SLC14A2: variants seen among roughly 807,000 people sequenced by gnomAD.
The protein encoded by SLC14A2 is urea transporter 2.
Under a neutral mutation model 104.6 loss-of-function variants are expected in SLC14A2, and 91 were observed. That is an observed-to-expected ratio of 0.87 (90% CI 0.73 to 1.04). SLC14A2 has a LOEUF of 1.04. Among genes scored for constraint, SLC14A2 ranks in the 50% least tolerant of loss-of-function variants. The pLI is 0.00. For synonymous variants in SLC14A2, 476 were observed against 466.4 expected (o/e 1.02, Z -0.27); for missense variants, 1,189 against 1,156.0 (o/e 1.03, Z -0.41).
intron 10 of SLC14A2, among the ~76,000 whole-genome samples, chr18:45,650,853 C>A (rs1166463392): frequency 1.3e-5 from 2 of 152,160 alleles, no homozygotes; most frequent in African/African-American, 4.8e-5. Context: ...GATTCTCCTG[C>A]CTCAGCCTCT....
intron 2 of SLC14A2, among the ~76,000 whole-genome samples, chr18:45,599,230 C>A (rs1568293032): frequency 1.3e-5 from 2 of 152,190 alleles, no homozygotes; most frequent in Non-Finnish European, 1.5e-5. Flanking sequence ...CACCCCTAAC[C>A]CCCATCCAGG....
In SLC14A2 at chr18:45,624,723, T is replaced by G; in HGVS notation, c.59T>G (p.Leu20Arg). 1 of 1,613,416 alleles carries G rather than the reference T, an allele frequency of 6.2e-7. No individual in the cohort carries two copies. The highest frequency in any genetic ancestry group is 8.5e-7 in the Non-Finnish European group (1 of 1,179,742). The change falls in exon 2 of 20, where the codon CTC becomes CGC. Residue 20 changes from leucine (L) to arginine (R), a missense_variant. Leu to Arg is a moderately radical substitution (Grantham distance 102). Coordinates refer to ENST00000255226, the MANE Select transcript of SLC14A2 (RefSeq NM_007163.4). ...GAGCCACTTTCCAGCAGATACAAACTCTACGAGGCAGAGTTTACCAGCCCG... is the reference window on the plus strand; with the variant it reads ...GAGCCACTTTCCAGCAGATACAAACGCTACGAGGCAGAGTTTACCAGCCCG... ...LPEPLSSRYK[L>R]YEAEFTSPSW...
intron 1 of SLC14A2, among the ~76,000 whole-genome samples, chr18:45,372,262 A>G (rs908411717): frequency 1.3e-5 from 2 of 152,044 alleles, no homozygotes; most frequent in African/African-American, 4.8e-5. Flanking sequence ...CAGTGAGTCA[A>G]GATCATGCCA....
intron 18 of SLC14A2, among the ~76,000 whole-genome samples, chr18:45,675,468 G>C (rs147692691): frequency 3.3e-5 from 5 of 152,002 alleles, no homozygotes; most frequent in South Asian, 4.2e-4. Flanking sequence ...CCAAAAATGG[G>C]AAAGCAGTCT....
At chr18:45,531,399 G>T (rs2043684510) in intron 2 of SLC14A2, among the ~76,000 whole-genome samples, 3 of 152,154 alleles carry the variant, frequency 2.0e-5, no homozygotes, top group Admixed American at 1.3e-4. Context: ...ATTCTAACTG[G>T]TGTGAGATGG....
At chr18:45,268,957 G>GGTGTTTTTGTGT (rs2084621382) in intron 1 of SLC14A2, among the ~76,000 whole-genome samples, 1 of 89,060 alleles carries the variant, frequency 1.1e-5, no homozygotes, top group Non-Finnish European at 2.1e-5. Flanking sequence ...TTATGCTGTT[G>GGTGTTTTTGTGT]GTGTGTTTGT....
intron 1 of SLC14A2, among the ~76,000 whole-genome samples, chr18:45,355,301 C>T (rs916189787): frequency 3.3e-5 from 5 of 152,008 alleles, no homozygotes; most frequent in Non-Finnish European, 5.9e-5. Flanking sequence ...TTAGGCCTGG[C>T]GCGGTGGCTC....
intron 2 of SLC14A2, among the ~76,000 whole-genome samples, chr18:45,523,053 C>T (rs938604434): frequency 6.6e-6 from 1 of 152,134 alleles, no homozygotes; most frequent in Admixed American, 6.6e-5. Context: ...AAGTGGTCTA[C>T]GGCAAGCTGT....
intron 2 of SLC14A2, among the ~76,000 whole-genome samples, chr18:45,566,385 T>A (rs1053870496): frequency 6.6e-6 from 1 of 152,156 alleles, no homozygotes; most frequent in Non-Finnish European, 1.5e-5. Context: ...GGGAGAATTC[T>A]CCCATAAGCA....
At chr18:45,396,796 C>T (rs938539958) in intron 1 of SLC14A2, among the ~76,000 whole-genome samples, 1 of 151,702 alleles carries the variant, frequency 6.6e-6, no homozygotes. Context: ...CCAATAGTTC[C>T]CTTTTCTGCT....
chr18:45,428,887 C>T (rs1317771163), intron 1 of SLC14A2, among the ~76,000 whole-genome samples: 2 of 152,304 alleles, frequency 1.3e-5, no homozygotes, highest in African/African-American at 2.4e-5. Flanking sequence ...ACTATTGGTT[C>T]TAGATTTCTG....
chr18:45,530,151 T>C (rs1051618944), intron 2 of SLC14A2, among the ~76,000 whole-genome samples: 6 of 152,228 alleles, frequency 3.9e-5, no homozygotes, highest in African/African-American at 1.4e-4. Flanking sequence ...ATGAAGTGTT[T>C]ATTGAGTATT....
intron 2 of SLC14A2, among the ~76,000 whole-genome samples, chr18:45,565,376 G>A (rs558165223): frequency 7.0e-4 from 106 of 152,092 alleles, no homozygotes; most frequent in Non-Finnish European, 1.2e-3. Flanking sequence ...CGCCCGCCTC[G>A]TGGGATCCCA....
chr18:45,396,002 G>A (rs559129086), intron 1 of SLC14A2, among the ~76,000 whole-genome samples: 2 of 152,182 alleles, frequency 1.3e-5, no homozygotes, highest in African/African-American at 2.4e-5. Flanking sequence ...ACTAATTGCA[G>A]GGCTTAAGGG....
At chr18:45,626,323 G>C (rs1023523623) in intron 3 of SLC14A2, among the ~76,000 whole-genome samples, 1 of 151,812 alleles carries the variant, frequency 6.6e-6, no homozygotes, top group South Asian at 2.1e-4. Context: ...TTAACTTCTC[G>C]AACTAAACAC....
intron 1 of SLC14A2, among the ~76,000 whole-genome samples, chr18:45,474,151 A>G (rs80255267): frequency 2.0e-5 from 3 of 152,054 alleles, no homozygotes; most frequent in Non-Finnish European, 4.4e-5. Context: ...GGTTTTTGTC[A>G]TTGATTCTGT....
At chr18:45,566,464 A>T (rs566224452) in intron 2 of SLC14A2, among the ~76,000 whole-genome samples, 45 of 152,156 alleles carry the variant, frequency 3.0e-4, no homozygotes, top group Non-Finnish European at 5.4e-4. Flanking sequence ...AGCTGATGGC[A>T]GGCCTCTCCC....
intron 2 of SLC14A2, among the ~76,000 whole-genome samples, chr18:45,559,011 A>T (rs531054350): frequency 6.6e-6 from 1 of 151,972 alleles, no homozygotes; most frequent in South Asian, 2.1e-4. Context: ...GGTTGGTCTC[A>T]ATCTCCTGGC....
intron 1 of SLC14A2, among the ~76,000 whole-genome samples, chr18:45,398,403 A>G (rs2086059556): frequency 6.6e-6 from 1 of 152,166 alleles, no homozygotes; most frequent in African/African-American, 2.4e-5. Context: ...ATTATCAGAA[A>G]GCAGCAGGGA....
Sources: allele counts gnomAD v4.1 joint callset (sites outside exome capture counted in the v4.1 genomes callset), GRCh38; gene constraint gnomAD v4.1.1; transcripts MANE v1.5; gene names NCBI Gene and HGNC (gene_info 2026-07-23, HGNC 2026-07-21).